The following PDE1C variants were observed in gnomAD, a reference collection of about 807,000 sequenced individuals.
PDE1C encodes the protein dual specificity calcium/calmodulin-dependent 3',5'-cyclic nucleotide phosphodiesterase 1C.
Under a neutral mutation model 93.1 loss-of-function variants are expected in PDE1C, and 62 were observed. The ratio of observed to expected loss-of-function variants is 0.67; its 90% confidence interval spans 0.54 to 0.82. PDE1C has a LOEUF of 0.82. PDE1C is among the 40% of genes least tolerant of loss of function. PDE1C has a pLI of 0.00. For missense variants in PDE1C, 742 were observed against 884.6 expected (o/e 0.84, Z 2.04); for synonymous variants, 325 against 310.1 (o/e 1.05, Z -0.50).
At position 31,773,531 on chromosome 7, in the gene PDE1C, A is replaced by C. The variant is rs73686951; in HGVS notation, c.1960+2133T>G. Among the ~76,000 whole-genome samples the C allele has an allele frequency of 5.5e-3, 831 of 151,888 alleles. 8 individuals carry two copies. The highest frequency in any genetic ancestry group is 0.019 in the African/African-American group (789 of 41,450). Reference sequence around the variant, plus strand: ...GGTTTAAAGCTGATTTCTTCCTGATACTCTGTAGTCCCAAGAGCATAATAA... The same window carrying C: ...GGTTTAAAGCTGATTTCTTCCTGATCCTCTGTAGTCCCAAGAGCATAATAA... On this transcript the variant is annotated intron_variant, in intron 17 of 17. Coordinates refer to ENST00000396191, the MANE Select transcript of PDE1C (RefSeq NM_001191057.4).
intron 2 of PDE1C, among the ~76,000 whole-genome samples, chr7:32,011,572 G>A (rs1343928993): frequency 3.3e-5 from 5 of 152,066 alleles, no homozygotes. Flanking sequence ...GTAAGCACAT[G>A]GAAATACCCT....
intron 2 of PDE1C, among the ~76,000 whole-genome samples, chr7:31,933,180 T>G (rs1008988615): frequency 6.6e-6 from 1 of 152,148 alleles, no homozygotes; most frequent in Non-Finnish European, 1.5e-5. Flanking sequence ...CATGTATACC[T>G]ATGTAACAAA....
chr7:32,287,046 G>A (rs776701115), intron 1 of PDE1C, among the ~76,000 whole-genome samples: 3 of 152,172 alleles, frequency 2.0e-5, no homozygotes, highest in Non-Finnish European at 4.4e-5. Context: ...CAGATAGAGA[G>A]GAAGAATGCA....
At chr7:31,657,867 A>G in the PDE1C span, among the ~76,000 whole-genome samples, 4 of 152,338 alleles carry the variant, frequency 2.6e-5, no homozygotes, top group Middle Eastern at 3.4e-3. Context: ...GAAAAAAAAG[A>G]AAAAGTAAAA....
chr7:32,217,603 C>T (rs1243045540), intron 1 of PDE1C, among the ~76,000 whole-genome samples: 1 of 152,136 alleles, frequency 6.6e-6, no homozygotes, highest in African/African-American at 2.4e-5. Context: ...CTGAGCTTAG[C>T]AAGATGTGTT....
the PDE1C span, among the ~76,000 whole-genome samples, chr7:31,620,315 T>TGCCTGAC: frequency 9.9e-5 from 15 of 151,914 alleles, no homozygotes; most frequent in Non-Finnish European, 1.3e-4. Context: ...CTCAAGTGGG[T>TGCCTGAC]CCCTGACCCC....
At chr7:32,032,013 T>TG (rs772270538) in intron 2 of PDE1C, among the ~76,000 whole-genome samples, 2 of 152,152 alleles carry the variant, frequency 1.3e-5, no homozygotes, top group Non-Finnish European at 2.9e-5. Flanking sequence ...CACAACCCTT[T>TG]GCCATCTGAG....
At chr7:32,092,221 G>C (rs1181215611) in intron 3 of PDE1C, among the ~76,000 whole-genome samples, 1 of 152,002 alleles carries the variant, frequency 6.6e-6, no homozygotes. Context: ...AAAGAGGAAG[G>C]AAAGAGTTCC....
chr7:31,617,297 G>A, the PDE1C span, among the ~76,000 whole-genome samples: 1 of 151,720 alleles, frequency 6.6e-6, no homozygotes, highest in African/African-American at 2.4e-5. Flanking sequence ...ATATAAATGG[G>A]TTTCTCAACA....
intron 2 of PDE1C, among the ~76,000 whole-genome samples, chr7:31,955,638 G>C (rs1464905686): frequency 6.6e-6 from 1 of 152,100 alleles, no homozygotes; most frequent in Non-Finnish European, 1.5e-5. Context: ...AGCACTCCAG[G>C]TTGAACATTT....
intron 16 of PDE1C, among the ~76,000 whole-genome samples, chr7:31,804,195 T>C (rs1786477918): frequency 6.6e-6 from 1 of 151,916 alleles, no homozygotes; most frequent in Non-Finnish European, 1.5e-5. Flanking sequence ...TGATCCCTTT[T>C]ATGTCTTGCT....
At chr7:31,966,729 T>G (rs1044330917) in intron 2 of PDE1C, among the ~76,000 whole-genome samples, 3 of 152,114 alleles carry the variant, frequency 2.0e-5, no homozygotes, top group African/African-American at 7.2e-5. Flanking sequence ...CCTCAGCAAA[T>G]GTGAAAGAAC....
intron 1 of PDE1C, among the ~76,000 whole-genome samples, chr7:32,363,377 G>T (rs1784173402): frequency 6.6e-6 from 1 of 152,214 alleles, no homozygotes; most frequent in South Asian, 2.1e-4. Context: ...AGCAGAGCTG[G>T]GATTCCAAGC....
At chr7:32,418,551 C>G (rs547040501) in intron 1 of PDE1C, among the ~76,000 whole-genome samples, 1 of 152,208 alleles carries the variant, frequency 6.6e-6, no homozygotes, top group East Asian at 1.9e-4. Context: ...AAATAGCATC[C>G]TTGCGTGACA....
intron 6 of PDE1C, among the ~76,000 whole-genome samples, chr7:31,866,200 A>G (rs1030456978): frequency 1.3e-5 from 2 of 152,186 alleles, no homozygotes; most frequent in Non-Finnish European, 2.9e-5. Context: ...ATTAACAATT[A>G]CATTTGTGAA....
intron 16 of PDE1C, chr7:31,789,781 G>C: frequency 1.0e-6 from 1 of 988,368 alleles, no homozygotes; most frequent in Admixed American, 6.1e-5. Context: ...TGTATCATCA[G>C]TAGCCAGTGC....
At chr7:31,739,200 G>GACACACACACAC in the PDE1C span, among the ~76,000 whole-genome samples, 2,463 of 143,126 alleles carry the variant, frequency 0.017, 45 homozygotes, top group South Asian at 0.043. Flanking sequence ...GTAACTTTTA[G>GACACACACACAC]ACACACACAC....
chr7:32,368,630 C>T (rs1447693675), intron 1 of PDE1C, among the ~76,000 whole-genome samples: 2 of 152,108 alleles, frequency 1.3e-5, no homozygotes, highest in Admixed American at 1.3e-4. Flanking sequence ...AATAACATTC[C>T]TCACAGAAAT....
At chr7:31,841,357 G>C (rs1791875569) in intron 9 of PDE1C, among the ~76,000 whole-genome samples, 1 of 151,636 alleles carries the variant, frequency 6.6e-6, no homozygotes. Context: ...CAGATCCTTA[G>C]GATTTTCTAC....
Sources: gnomAD v4.1 joint callset for allele counts (sites outside exome capture counted in the v4.1 genomes callset) on GRCh38, gnomAD v4.1.1 for gene constraint, MANE v1.5 for transcripts, NCBI Gene and HGNC (gene_info 2026-07-23, HGNC 2026-07-21) for gene names.